The following AGMO variants were observed in gnomAD, a reference collection of about 807,000 sequenced individuals.
The protein encoded by AGMO is glyceryl-ether monooxygenase.
A neutral mutation model predicts 60.2 loss-of-function variants in AGMO; 75 were observed. The ratio of observed to expected loss-of-function variants is 1.25; its 90% CI spans 1.03 to 1.51. The LOEUF (loss-of-function observed/expected upper bound fraction) is 1.51, where lower values mean the gene tolerates loss of function less well. AGMO is among the 40% of genes most tolerant of loss of function. AGMO has a pLI of 0.00. For missense variants in AGMO, 763 were observed against 525.5 expected (o/e 1.45, Z -4.42); for synonymous variants, 261 against 177.1 (o/e 1.47, Z -3.76).
intron 3 of AGMO, among the ~76,000 whole-genome samples, chr7:15,534,336 T>C (rs1784434727): frequency 1.3e-5 from 2 of 152,020 alleles, no homozygotes; most frequent in Non-Finnish European, 2.9e-5. Flanking sequence ...ATCTTTAAAA[T>C]AGCAAATTAA....
rs573116354 is a variant in AGMO, at chr7:15,466,205, A to C, written c.410-35097T>G. ...ACTGGGTGCATATCCTTTAATATTC[A>C]TAACAGCTCTATCTTTATTCTGACA... On this transcript the variant is annotated intron_variant, in intron 3 of 12. Coordinates refer to ENST00000342526, the MANE Select transcript of AGMO (RefSeq NM_001004320.2). Among the ~76,000 whole-genome samples, 17 of 152,290 alleles carry C rather than the reference A, an allele frequency of 1.1e-4. No homozygotes were observed. The South Asian group carries it at 3.3e-3, about 30-fold the overall frequency.
At chr7:15,356,408 C>T (rs1312118027) in intron 12 of AGMO, among the ~76,000 whole-genome samples, 3 of 151,922 alleles carry the variant, frequency 2.0e-5, no homozygotes, top group African/African-American at 7.3e-5. Context: ...AACATTTTTG[C>T]AGAAATTTTA....
chr7:15,297,522 T>A (rs1784438989), intron 12 of AGMO, among the ~76,000 whole-genome samples: 1 of 152,200 alleles, frequency 6.6e-6, no homozygotes, highest in Non-Finnish European at 1.5e-5. Context: ...TTCAACTCTT[T>A]TTTGATTTAC....
intron 3 of AGMO, among the ~76,000 whole-genome samples, chr7:15,512,698 A>G (rs1783706268): frequency 6.6e-6 from 1 of 152,170 alleles, no homozygotes; most frequent in African/African-American, 2.4e-5. Flanking sequence ...GTATTCTCAG[A>G]TAATATTTTC....
chr7:15,356,135 C>G (rs564582785), intron 12 of AGMO, among the ~76,000 whole-genome samples: 10 of 152,216 alleles, frequency 6.6e-5, no homozygotes, highest in Admixed American at 2.6e-4. Flanking sequence ...ACTTGGAAAA[C>G]AACTTGGCAT....
chr7:15,322,992 A>G (rs1781227880), intron 12 of AGMO, among the ~76,000 whole-genome samples: 2 of 106,316 alleles, frequency 1.9e-5, no homozygotes, highest in South Asian at 3.3e-4. Flanking sequence ...TTTATTTTTT[A>G]TTTTTTCCTG....
intron 12 of AGMO, among the ~76,000 whole-genome samples, chr7:15,349,092 C>G (rs1378809001): frequency 1.3e-5 from 2 of 151,956 alleles, no homozygotes; most frequent in Non-Finnish European, 2.9e-5. Flanking sequence ...GAATATATAC[C>G]TTTGGAGGCC....
intron 12 of AGMO, among the ~76,000 whole-genome samples, chr7:15,322,967 G>A (rs1486188935): frequency 3.4e-5 from 2 of 59,244 alleles, no homozygotes; most frequent in African/African-American, 9.4e-5. Context: ...ACACGTGTGT[G>A]TATATATATA....
chr7:15,125,365 G>A, the AGMO span, among the ~76,000 whole-genome samples: 27 of 152,208 alleles, frequency 1.8e-4, no homozygotes, highest in African/African-American at 6.3e-4. Context: ...TTTGTGGCTA[G>A]AAGTGCAGTG....
chr7:15,302,587 A>G (rs543093711), intron 12 of AGMO, among the ~76,000 whole-genome samples: 112 of 152,356 alleles, frequency 7.4e-4, no homozygotes, highest in Non-Finnish European at 1.4e-3. Context: ...TAAAAAATAC[A>G]TAAATCAAGG....
rs1163991429 is a variant in AGMO, at chr7:15,317,765, G to C, written c.1263+47749C>G. Among the ~76,000 whole-genome samples the C allele has an allele frequency of 2.0e-5, 3 of 151,620 alleles. No homozygotes were observed. The East Asian group carries it at 5.8e-4, about 29-fold the overall frequency. ...TAGAAAACAATTTGTCACACAATAA[G>C]ACAATGGTGGTATTCAATGAATGGC... On this transcript the variant is annotated intron_variant, in intron 12 of 12. Transcript: ENST00000342526.
intron 3 of AGMO, among the ~76,000 whole-genome samples, chr7:15,491,845 A>G (rs1432771519): frequency 6.6e-6 from 1 of 152,070 alleles, no homozygotes; most frequent in Non-Finnish European, 1.5e-5. Context: ...TCACAGAGGA[A>G]CTAAGCCATT....
chr7:15,166,150 C>A, the AGMO span, among the ~76,000 whole-genome samples: 1 of 151,808 alleles, frequency 6.6e-6, no homozygotes, highest in South Asian at 2.1e-4. Context: ...ATTCTAGAGA[C>A]GTGAGAAGAA....
chr7:15,255,773 T>C (rs1056789103), intron 12 of AGMO, among the ~76,000 whole-genome samples: 1 of 152,212 alleles, frequency 6.6e-6, no homozygotes, highest in Non-Finnish European at 1.5e-5. Context: ...ATATCATTTC[T>C]GTGGAGGCTT....
intron 12 of AGMO, among the ~76,000 whole-genome samples, chr7:15,253,254 A>C (rs1378961617): frequency 1.3e-5 from 2 of 152,206 alleles, no homozygotes; most frequent in Non-Finnish European, 2.9e-5. Flanking sequence ...GAACAAAAAA[A>C]GTGTGCATTT....
intron 12 of AGMO, among the ~76,000 whole-genome samples, chr7:15,344,106 A>G (rs1781950831): frequency 6.6e-6 from 1 of 152,154 alleles, no homozygotes; most frequent in Non-Finnish European, 1.5e-5. Context: ...TAAATCAAGA[A>G]TTTCTTGATT....
chr7:15,464,437 A>T (rs1405352527), intron 3 of AGMO, among the ~76,000 whole-genome samples: 1 of 152,180 alleles, frequency 6.6e-6, no homozygotes, highest in African/African-American at 2.4e-5. Context: ...ATCTGGAAAT[A>T]AAAAAATTCC....
chr7:15,495,918 T>C (rs1311704057), intron 3 of AGMO, among the ~76,000 whole-genome samples: 1 of 151,814 alleles, frequency 6.6e-6, no homozygotes, highest in African/African-American at 2.4e-5. Flanking sequence ...CTTCTTCTTA[T>C]AAGGGCACAA....
At chr7:15,402,543 T>G (rs1272543197) in intron 5 of AGMO, among the ~76,000 whole-genome samples, 1 of 149,618 alleles carries the variant, frequency 6.7e-6, no homozygotes, top group African/African-American at 2.5e-5. Context: ...ATGGAAAACC[T>G]GAAGGGCACA....
Sources: gnomAD v4.1 joint callset for allele counts (sites outside exome capture counted in the v4.1 genomes callset) on GRCh38, gnomAD v4.1.1 for gene constraint, MANE v1.5 for transcripts, NCBI Gene and HGNC (gene_info 2026-07-23, HGNC 2026-07-21) for gene names.